Variants in MED25 observed in about 807,000 individuals in gnomAD.
The protein encoded by MED25 is mediator complex subunit 25.
Under a neutral mutation model 89.4 loss-of-function variants are expected in MED25, and 62 were observed. That is an observed-to-expected ratio of 0.69 (90% CI 0.57 to 0.86). The LOEUF (loss-of-function observed/expected upper bound fraction) is 0.86. Ranked by LOEUF, MED25 falls within the 40% of genes least tolerant of loss-of-function variation. MED25 has a pLI of 0.00. For missense variants in MED25, 905 were observed against 1,005.2 expected (o/e 0.90, Z 1.35); for synonymous variants, 449 against 427.9 (o/e 1.05, Z -0.61).
Position 49,824,171 on chromosome 19 carries a change from C to T in MED25, c.306-4278C>T, listed in dbSNP as rs368631395. ...TGTCCAGAATGCATTTAATACTAAC[C>T]ACCCTGGAAGACACTGCATAGCCTT... On this transcript the variant is annotated intron_variant, in intron 3 of 17. Coordinates refer to ENST00000312865, the MANE Select transcript of MED25 (RefSeq NM_030973.4). Among the ~76,000 whole-genome samples the T allele has an allele frequency of 2.6e-3, 403 of 152,180 alleles. 2 individuals are homozygous for T. The highest frequency in any genetic ancestry group is 9.3e-3 in the African/African-American group (385 of 41,508).
Position 49,830,320 on chromosome 19 carries a change from A to G in MED25, c.819+102A>G. 1 of 1,290,386 alleles carries G rather than the reference A, an allele frequency of 7.7e-7. No individual in the cohort carries two copies. The allele number at this position is 1,290,386 out of a possible 1,614,324, so 79.9% of individuals were successfully genotyped here. A position where few individuals can be genotyped will look rare whatever the true frequency, so the allele number is the denominator to read the frequency against. ...ATGTTGGAGCTTGTGGGATGATGGGAGTCCCATGGGACATTGGGAAGGTGG... is the reference window on the plus strand; with the variant it reads ...ATGTTGGAGCTTGTGGGATGATGGGGGTCCCATGGGACATTGGGAAGGTGG... On this transcript the variant is annotated intron_variant, in intron 7 of 17. Transcript: ENST00000312865. This position sits in a 1 kb window ranked among gnomAD's most constrained non-coding sequence, Gnocchi z 4.6.
At position 49,831,144 on chromosome 19, in the gene MED25, A is replaced by G. The variant is rs954805754; in HGVS notation, c.1102-189A>G. 1.3e-5 allele frequency among the ~76,000 whole-genome samples: 2 copies of G among 152,112 alleles called. No homozygotes were observed. The highest frequency in any genetic ancestry group is 4.8e-5 in the African/African-American group (2 of 41,402). On this transcript the variant is annotated intron_variant, in intron 9 of 17. Coordinates refer to ENST00000312865, the MANE Select transcript of MED25 (RefSeq NM_030973.4). The surrounding 1 kb of genome is among the most constrained non-coding windows in gnomAD (Gnocchi z 5.0). ...TGGGTCTGGGAGTCCAGGGCATCGC[A>G]CAGCTTACGAGTCCTCGAATCCTGC...
Position 49,836,800 on chromosome 19 carries a change from C to A in MED25, c.2147-47C>A. The A allele has an allele frequency of 6.7e-7, 1 of 1,485,744 alleles. No homozygotes were observed. The highest frequency in any genetic ancestry group is 9.3e-7 in the Non-Finnish European group (1 of 1,070,730). The allele number at this position is 1,485,744 out of a possible 1,614,324, so 92.0% of individuals were successfully genotyped here. ...CTTAGTGCCTCTGGGCCCTCCTGGG[C>A]CCAAGGGCCTACTGGGAGATGCAGT... On this transcript the variant is annotated intron_variant, in intron 17 of 17. Coordinates refer to ENST00000312865, the MANE Select transcript of MED25 (RefSeq NM_030973.4). This position sits in a 1 kb window ranked among gnomAD's most constrained non-coding sequence, Gnocchi z 5.1.
At chr19:49,838,857 G>A (rs2074116827), downstream of MED25, 1 of 424,016 alleles carries the variant, frequency 2.4e-6, no homozygotes, top group South Asian at 1.7e-5. Flanking sequence ...AACAGAAGTG[G>A]CGCGGCAGTG....
Position 49,834,760 on chromosome 19 carries a change from C to T in MED25, c.1483-226C>T. Reference sequence around the variant, plus strand: ...TTGAAGAGCTGGGCTCCAGCACTTTCTCTCCGCTTTCCCTCTCAGTGGGCA... The same window carrying T: ...TTGAAGAGCTGGGCTCCAGCACTTTTTCTCCGCTTTCCCTCTCAGTGGGCA... On this transcript the variant is annotated intron_variant, in intron 13 of 17. Coordinates refer to ENST00000312865, the MANE Select transcript of MED25 (RefSeq NM_030973.4). This position sits in a 1 kb window ranked among gnomAD's most constrained non-coding sequence, Gnocchi z 4.1. 1.7e-6 allele frequency: 1 copy of T among 586,458 alleles called. No homozygotes were observed. Among genetic ancestry groups the T allele is most frequent in the South Asian group, 2.0e-5 (1 of 49,654 alleles). The allele number at this position is 586,458 out of a possible 1,614,324, so 36.3% of individuals were successfully genotyped here.
In MED25 at chr19:49,819,291, C is replaced by T. The variant is rs779662857; in HGVS notation, c.300C>T (p.Gly100=). ...SAYEFVTWLD[G]IKFMGGGGES... ...ATGAGTTTGTCACCTGGCTCGATGG[C>T]ATTAAGTGAGCTTTCCCCCACTTGG... Residue 100 remains glycine (G), a synonymous_variant, in exon 3 of 18, where the codon GGC becomes GGT. Coordinates refer to ENST00000312865, the MANE Select transcript of MED25 (RefSeq NM_030973.4). The T allele has an allele frequency of 1.9e-6, 3 of 1,569,728 alleles. No homozygotes were observed. The African/African-American group carries it at 4.6e-5, about 24-fold the overall frequency.
In MED25 at chr19:49,830,902, G is replaced by A. The variant is rs772450150; in HGVS notation, c.1101+15G>A. 9.4e-6 allele frequency: 15 copies of A among 1,604,188 alleles called. No individual in the cohort carries two copies. The Admixed American group carries it at 1.5e-4, about 16-fold the overall frequency. On this transcript the variant is annotated intron_variant, in intron 9 of 17. Transcript: ENST00000312865. The surrounding 1 kb of genome is among the most constrained non-coding windows in gnomAD (Gnocchi z 4.6). ...CACCGTCCATGGTAGGTGCCTGCAC[G>A]CCTCCTGCCCCTGCTCCTTCCTCCT...
intron 13 of MED25, chr19:49,832,750 C>A (rs1383630765): frequency 2.6e-6 from 1 of 390,836 alleles, no homozygotes; most frequent in African/African-American, 2.1e-5. Flanking sequence ...GGGCTTAAAA[C>A]AACAGAAACG....
Position 49,832,360 on chromosome 19 carries a change from C to T in MED25, c.1427C>T (p.Thr476Ile). Residue 476 changes from threonine to isoleucine, a missense_variant, in exon 13 of 18, where the codon ACC (threonine) becomes ATC (isoleucine). By Grantham distance (89) the Thr-to-Ile change is moderately conservative. This residue lies in a region of MED25 where 133 missense variants were observed against 220.2 expected (regional missense o/e 0.60). Coordinates refer to ENST00000312865, the MANE Select transcript of MED25 (RefSeq NM_030973.4). ...RNSRMVQFHF[T>I]NKDLESLKGL... ...TCAAGGATGGTCCAGTTCCATTTCA[C>T]CAACAAGGACCTGGAGTCTCTCAAA... The T allele has an allele frequency of 6.2e-7, 1 of 1,611,588 alleles. No individual in the cohort carries two copies. Among genetic ancestry groups the T allele is most frequent in the Non-Finnish European group, 8.5e-7 (1 of 1,178,746 alleles).
intron 3 of MED25, 139 bp from the exon 4 acceptor site, chr19:49,828,310 G>T: frequency 1.4e-6 from 1 of 705,320 alleles, no homozygotes; most frequent in Admixed American, 1.8e-5. Flanking sequence ...GATTGGGTAG[G>T]GAACTCAGCA....
rs1291674399 is a variant in MED25, at chr19:49,835,686, G to T, written c.1747-41G>T. 1 of 1,593,464 alleles carries T rather than the reference G, an allele frequency of 6.3e-7. No homozygotes were observed. Among genetic ancestry groups the T allele is most frequent in the Non-Finnish European group, 8.5e-7 (1 of 1,170,836 alleles). ...TCTGTGCCTGCAGAAGGGGCGTGAGGCCCTGCCCATCTCCCTCACCCCTGT... is the reference window on the plus strand; with the variant it reads ...TCTGTGCCTGCAGAAGGGGCGTGAGTCCCTGCCCATCTCCCTCACCCCTGT... On this transcript the variant is annotated intron_variant, in intron 15 of 17. Transcript: ENST00000312865. The surrounding 1 kb of genome is among the most constrained non-coding windows in gnomAD (Gnocchi z 6.2).
rs2074085145 is a variant in MED25, at chr19:49,835,027, G to A, written c.1524G>A (p.Val508=). ...VHFPHTAPCE[V]RVLMLLYSSK... is the part of the protein sequence containing the mutation. ...TCCCCCACACGGCGCCCTGTGAGGT[G>A]CGCGTGCTCATGCTCCTGTACTCGT... The change falls in exon 14 of 18, where the codon GTG becomes GTA. Residue 508 remains valine (V), a synonymous_variant. Transcript: ENST00000312865. The surrounding 1 kb of genome is among the most constrained non-coding windows in gnomAD (Gnocchi z 6.2). 3 of 1,614,120 alleles carry A rather than the reference G, an allele frequency of 1.9e-6. No individual in the cohort carries two copies. The East Asian group carries it at 6.7e-5, about 36-fold the overall frequency.
intron 13 of MED25, chr19:49,833,122 T>C (rs1568624469): frequency 6.5e-6 from 1 of 153,562 alleles, no homozygotes; most frequent in East Asian, 1.9e-4. Context: ...GTTTTGTTTT[T>C]TGAGACAGAG....
rs934127928 is a variant in MED25 at position 49,835,545 on chromosome 19, G to A, written c.1686G>A (p.Gln562=). 2.6e-6 allele frequency: 4 copies of A among 1,561,960 alleles called. No homozygotes were observed. Among genetic ancestry groups the A allele is most frequent in the Non-Finnish European group, 3.5e-6 (4 of 1,153,640 alleles). The part of the protein sequence containing the change: ...LEQQQRGMGG[Q]QAPPGLGPIL... ...CTCTCCCCGTGCAGATGGGGGGACA[G>A]CAGGCACCCCCAGGGCTGGGGCCCA... The change falls in exon 15 of 18, where the codon CAG becomes CAA. Residue 562 remains glutamine, a synonymous_variant. Transcript: ENST00000312865. The surrounding 1 kb of genome is among the most constrained non-coding windows in gnomAD (Gnocchi z 6.2).
chr19:49,835,567 C>T lies in MED25; in HGVS notation c.1708C>T (p.Pro570Ser). 6.4e-7 allele frequency: 1 copy of T among 1,567,728 alleles called. No individual in the cohort carries two copies. The highest frequency in any genetic ancestry group is 1.2e-5 in the South Asian group (1 of 85,312). The change falls in exon 15 of 18, where the codon CCC (proline) becomes TCC (serine). Residue 570 changes from proline (P) to serine (S), a missense_variant. By Grantham distance (74) the Pro-to-Ser change is moderately conservative. Transcript: ENST00000312865. The surrounding 1 kb of genome is among the most constrained non-coding windows in gnomAD (Gnocchi z 6.2). ...ACAGCAGGCACCCCCAGGGCTGGGG[C>T]CCATTCTGGAGGACCAAGCCAGGCC... The part of the protein sequence containing the change: ...GGQQAPPGLG[P>S]ILEDQARPSQ...
chr19:49,824,921 A>G (rs1193319724), intron 3 of MED25, among the ~76,000 whole-genome samples: 3 of 152,306 alleles, frequency 2.0e-5, no homozygotes, highest in East Asian at 1.9e-4. Flanking sequence ...GATACTGGGT[A>G]GAACAAATGG....
rs968394896 is a variant in MED25, at chr19:49,831,110, A to G, written c.1101+223A>G. Among the ~76,000 whole-genome samples, 4 of 152,080 alleles carry G rather than the reference A, an allele frequency of 2.6e-5. No homozygotes were observed. Among genetic ancestry groups the G allele is most frequent in the African/African-American group, 9.7e-5 (4 of 41,412 alleles). On this transcript the variant is annotated intron_variant, in intron 9 of 17. Coordinates refer to ENST00000312865, the MANE Select transcript of MED25 (RefSeq NM_030973.4). The surrounding 1 kb of genome is among the most constrained non-coding windows in gnomAD (Gnocchi z 5.0). ...GGTCAGGGCTGTTCCGAGAAACCCA[A>G]GGAATCCCTGGGTCTGGGAGTCCAG...
At chr19:49,828,159 G>A (rs1240335633) in intron 3 of MED25, among the ~76,000 whole-genome samples, 1 of 151,980 alleles carries the variant, frequency 6.6e-6, no homozygotes, top group Non-Finnish European at 1.5e-5. Flanking sequence ...AACCCAGGAA[G>A]CGGAGCTTGC....
chr19:49,838,118 A>G (rs958793679), downstream of MED25, among the ~76,000 whole-genome samples: 1 of 152,188 alleles, frequency 6.6e-6, no homozygotes, highest in Admixed American at 6.5e-5. Flanking sequence ...GACCACCAGC[A>G]TCCACATCAT....
Sources: gnomAD v4.1 joint callset for allele counts (sites outside exome capture counted in the v4.1 genomes callset) on GRCh38, gnomAD v4.1.1 for gene constraint, gnomAD v4.1.1 regional missense constraint, Gnocchi (gnomAD v3.1) non-coding constraint, MANE v1.5 for transcripts, NCBI Gene and HGNC (gene_info 2026-07-23, HGNC 2026-07-21) for gene names.